The following IPPK variants were observed in gnomAD, a reference collection of about 807,000 sequenced individuals.
IPPK encodes IPK1 homolog.
In IPPK, 22 loss-of-function variants were observed where a neutral mutation model predicts 64.6. The observed-to-expected ratio is 0.34, with a 90% CI of 0.24 to 0.49. The LOEUF (loss-of-function observed/expected upper bound fraction) is 0.49. Ranked by LOEUF, IPPK falls within the 20% of genes least tolerant of loss-of-function variation. The pLI, the probability that IPPK is intolerant of heterozygous loss-of-function variation, is 0.99. For missense variants in IPPK, 532 were observed against 630.7 expected (o/e 0.84, Z 1.68); for synonymous variants, 262 against 247.2 (o/e 1.06, Z -0.56).
Position 92,640,784 on chromosome 9 carries a change from TAAAAGGG to T in IPPK, c.564-9_564-3del. 6.2e-7 allele frequency: 1 copy of T among 1,607,734 alleles called. No homozygotes were observed. The highest frequency in any genetic ancestry group is 2.2e-5 in the East Asian group (1 of 44,842). On this transcript the variant is annotated splice_region_variant and splice_polypyrimidine_tract_variant and intron_variant, in intron 7 of 12. Coordinates refer to ENST00000287996, the MANE Select transcript of IPPK (RefSeq NM_022755.6). Reference sequence around the variant, plus strand: ...GCAAAGTGCATTCTCTGTTTGTTTCTAAAAGGGAAAAGCATTAACATGCTTTAAATGC... The same window carrying T: ...GCAAAGTGCATTCTCTGTTTGTTTCTAAAAGCATTAACATGCTTTAAATGC...
At chr9:92,630,927 T>C (rs1851828398) in intron 11 of IPPK, among the ~76,000 whole-genome samples, 2 of 152,082 alleles carry the variant, frequency 1.3e-5, no homozygotes. Flanking sequence ...GTCAAAAAAC[T>C]ATGGGCTGGG....
intron 6 of IPPK, 152 bp from the exon 7 acceptor site, chr9:92,642,962 AT>A: frequency 1.5e-6 from 1 of 675,058 alleles, no homozygotes; most frequent in East Asian, 2.7e-5. Flanking sequence ...GCAGGTGCAC[AT>A]CACTAAGTGG....
At chr9:92,653,670 T>A (rs1013995649) in intron 3 of IPPK, among the ~76,000 whole-genome samples, 2 of 151,960 alleles carry the variant, frequency 1.3e-5, no homozygotes, top group Non-Finnish European at 1.5e-5. Context: ...ACCAACATGG[T>A]GAAACCCCGT....
chr9:92,620,544 C>A (rs1851597246), intron 11 of IPPK: 1 of 152,226 alleles, frequency 6.6e-6, no homozygotes. Flanking sequence ...TTGGGCCTCA[C>A]ACATCACTGG....
At chr9:92,643,392 A>C (rs1381781323) in intron 6 of IPPK, among the ~76,000 whole-genome samples, 2 of 152,238 alleles carry the variant, frequency 1.3e-5, no homozygotes, top group Non-Finnish European at 2.9e-5. Context: ...AGAGACACTC[A>C]TCAGTAGGGA....
At chr9:92,630,046 C>T (rs1851807952) in intron 11 of IPPK, among the ~76,000 whole-genome samples, 1 of 152,120 alleles carries the variant, frequency 6.6e-6, no homozygotes, top group African/African-American at 2.4e-5. Context: ...AGGCATATTA[C>T]CCCAGAAAAG....
chr9:92,646,076 A>C (rs986770821), intron 6 of IPPK, among the ~76,000 whole-genome samples: 3 of 152,236 alleles, frequency 2.0e-5, no homozygotes, highest in African/African-American at 7.2e-5. Flanking sequence ...AGAAACATCT[A>C]ATTTGTATCC....
At chr9:92,666,387 G>A (rs549480337) in intron 1 of IPPK, among the ~76,000 whole-genome samples, 1 of 152,322 alleles carries the variant, frequency 6.6e-6, no homozygotes, top group South Asian at 2.1e-4. Flanking sequence ...ACACAGGAGA[G>A]AAATCCTGCG....
rs552225625 is a variant in IPPK, at chr9:92,664,658, C to T, written c.81+5250G>A. ...CACTGCCTGTAAAGGGGAAGCAGGGCTGCCTAGAGGCCCACAGTGAGGGCC... is the reference window on the plus strand; with the variant it reads ...CACTGCCTGTAAAGGGGAAGCAGGGTTGCCTAGAGGCCCACAGTGAGGGCC... On this transcript the variant is annotated intron_variant, in intron 1 of 12. Coordinates refer to ENST00000287996, the MANE Select transcript of IPPK (RefSeq NM_022755.6). Among the ~76,000 whole-genome samples the T allele has an allele frequency of 1.5e-3, 221 of 152,316 alleles. 1 individual carries two copies. Among genetic ancestry groups the T allele is most frequent in the African/African-American group, 5.1e-3 (211 of 41,574 alleles).
chr9:92,618,694 C>T lies in IPPK; in HGVS notation c.1250+792G>A, dbSNP rs576336638. On this transcript the variant is annotated intron_variant, in intron 12 of 12. Coordinates refer to ENST00000287996, the MANE Select transcript of IPPK (RefSeq NM_022755.6). ...AACCTTTTTTCTACTTCAGTTAGCC[C>T]TATAATGTTCCTCAGTATTTCATAT... The T allele has an allele frequency of 7.7e-6, 3 of 389,060 alleles. 1 individual carries two copies. The highest frequency in any genetic ancestry group is 7.2e-5 in the East Asian group (1 of 13,870). The allele number at this position is 389,060 out of a possible 1,614,324, so 24.1% of individuals were successfully genotyped here. A position where few individuals can be genotyped will look rare whatever the true frequency, so the allele number is the denominator to read the frequency against.
At chr9:92,656,863 T>C (rs1370116776) in intron 2 of IPPK, among the ~76,000 whole-genome samples, 2 of 152,198 alleles carry the variant, frequency 1.3e-5, no homozygotes, top group Non-Finnish European at 2.9e-5. Context: ...TTCCAAGGAA[T>C]GTGACTTTGA....
At chr9:92,616,181 G>T in intron 12 of IPPK, 124 bp from the exon 13 acceptor site, 1 of 674,452 alleles carries the variant, frequency 1.5e-6, no homozygotes, top group Non-Finnish European at 2.5e-6. Flanking sequence ...CTTCTGCAAA[G>T]TTAGATAAAT....
chr9:92,669,995 G>C lies in IPPK; in HGVS notation c.-7C>G. ...CCATCTTCCCCTCTTCCATGCCCAG[G>C]CGCAGCCCTGGCGCCTCGCGGGCTA... On this transcript the variant is annotated 5_prime_UTR_variant, in exon 1 of 13. Transcript: ENST00000287996. 1 of 1,608,082 alleles carries C rather than the reference G, an allele frequency of 6.2e-7. No homozygotes were observed. The highest frequency in any genetic ancestry group is 8.5e-7 in the Non-Finnish European group (1 of 1,177,138).
intron 6 of IPPK, 42 bp from the exon 7 acceptor site, chr9:92,642,852 G>A: frequency 6.7e-7 from 1 of 1,489,110 alleles, no homozygotes; most frequent in African/African-American, 1.4e-5. Context: ...GACTGGCGCT[G>A]GTGACTGCAC....
intron 11 of IPPK, among the ~76,000 whole-genome samples, chr9:92,628,039 T>C (rs1851766412): frequency 6.6e-6 from 1 of 152,184 alleles, no homozygotes; most frequent in Non-Finnish European, 1.5e-5. Flanking sequence ...TTTCTACACC[T>C]GAATACACTT....
intron 1 of IPPK, among the ~76,000 whole-genome samples, chr9:92,661,560 G>A (rs1304107153): frequency 6.6e-6 from 1 of 152,124 alleles, no homozygotes; most frequent in African/African-American, 2.4e-5. Context: ...CAAACACAGT[G>A]GCTTGGCCTC....
Position 92,665,152 on chromosome 9 carries a change from C to T in IPPK, c.81+4756G>A, listed in dbSNP as rs538778169. ...CCACATCAGCTGCGTCAGCCTAGAG[C>T]GCCACTAAAAATCCCAAATGCAGAA... On this transcript the variant is annotated intron_variant, in intron 1 of 12. Coordinates refer to ENST00000287996, the MANE Select transcript of IPPK (RefSeq NM_022755.6). Among the ~76,000 whole-genome samples the T allele has an allele frequency of 1.4e-4, 22 of 152,308 alleles. No individual in the cohort carries two copies. The South Asian group carries it at 3.7e-3, about 26-fold the overall frequency.
intron 2 of IPPK, among the ~76,000 whole-genome samples, chr9:92,656,850 GC>G (rs1220206949): frequency 6.6e-6 from 1 of 152,178 alleles, no homozygotes; most frequent in Admixed American, 6.5e-5. Context: ...CCCTACACAT[GC>G]CTTCCAAGGA....
intron 12 of IPPK, chr9:92,618,963 A>T: frequency 3.6e-6 from 1 of 276,216 alleles, no homozygotes; most frequent in South Asian, 4.0e-5. Context: ...GAATTCCCAG[A>T]AACAGAGGGG....
Sources: gnomAD v4.1 joint callset for allele counts (sites outside exome capture counted in the v4.1 genomes callset) on GRCh38, gnomAD v4.1.1 for gene constraint, MANE v1.5 for transcripts, NCBI Gene and HGNC (gene_info 2026-07-23, HGNC 2026-07-21) for gene names.